Variants in NGEF observed in about 807,000 individuals in gnomAD.
NGEF encodes ephexin-1.
Under a neutral mutation model 80.9 loss-of-function variants are expected in NGEF, and 31 were observed. The observed-to-expected ratio is 0.38, with a 90% CI of 0.29 to 0.52. The LOEUF is 0.52. Ranked by LOEUF, NGEF falls within the 20% of genes least tolerant of loss-of-function variation. The pLI is 0.84. For missense variants in NGEF, 709 were observed against 926.2 expected, an observed-to-expected ratio of 0.77 and a Z score of 3.04; for synonymous variants, 371 against 370.2, an observed-to-expected ratio of 1.00 and a Z score of -0.03.
intron 1 of NGEF, among the ~76,000 whole-genome samples, chr2:233,004,571 C>T (rs753642739): frequency 6.6e-6 from 1 of 152,242 alleles, no homozygotes; most frequent in Non-Finnish European, 1.5e-5. Flanking sequence ...GAGGTAACTG[C>T]TGGGAACCCC....
intron 2 of NGEF, among the ~76,000 whole-genome samples, chr2:232,972,423 C>T (rs1201549999): frequency 6.6e-6 from 1 of 152,062 alleles, no homozygotes; most frequent in East Asian, 1.9e-4. Flanking sequence ...TTAAATGTGG[C>T]CACTGGAAAA....
In NGEF at chr2:232,920,283, C is replaced by T; in HGVS notation, c.828+1G>A. 6.2e-7 allele frequency: 1 copy of T among 1,611,440 alleles called. No individual in the cohort carries two copies. The highest frequency in any genetic ancestry group is 8.5e-7 in the Non-Finnish European group (1 of 1,178,636). On this transcript the variant is annotated splice_donor_variant, in intron 5 of 14. Transcript: ENST00000264051. LOFTEE classifies it high-confidence loss of function. ...AGCCCCCGCCCCTCGGCGCCTGTTA[C>T]CTCCTGCAGCTTAATCTCCTCGGGC...
At chr2:232,952,666 C>T (rs1054046382) in intron 3 of NGEF, among the ~76,000 whole-genome samples, 2 of 152,068 alleles carry the variant, frequency 1.3e-5, no homozygotes, top group Admixed American at 6.6e-5. Context: ...GAATAATCTA[C>T]CTTTGAAAAG....
intron 3 of NGEF, among the ~76,000 whole-genome samples, chr2:232,930,902 C>T (rs76147538): frequency 6.6e-6 from 1 of 152,342 alleles, no homozygotes; most frequent in East Asian, 1.9e-4. Context: ...AGCATCAACT[C>T]TAAAGTCTGA....
At chr2:233,007,025 C>T (rs1695098318) in intron 1 of NGEF, among the ~76,000 whole-genome samples, 1 of 152,202 alleles carries the variant, frequency 6.6e-6, no homozygotes, top group Non-Finnish European at 1.5e-5. Context: ...GGGCTGATCA[C>T]TTGAGTCCAG....
intron 5 of NGEF, among the ~76,000 whole-genome samples, chr2:232,906,106 C>G (rs1692518406): frequency 9.6e-6 from 1 of 104,096 alleles, no homozygotes; most frequent in African/African-American, 3.4e-5. Context: ...GCCGTCCCGT[C>G]TGGGAGGGAG....
In NGEF at chr2:232,888,075, C is replaced by T; in HGVS notation, c.1305G>A (p.Glu435=). 6.2e-7 allele frequency: 1 copy of T among 1,612,762 alleles called. No homozygotes were observed. Among genetic ancestry groups the T allele is most frequent in the Non-Finnish European group, 8.5e-7 (1 of 1,179,604 alleles). Residue 435 remains glutamate (E), a synonymous_variant, in exon 9 of 15, where the codon GAG becomes GAA. Coordinates refer to ENST00000264051, the MANE Select transcript of NGEF (RefSeq NM_019850.3). ...NILKRVEERS[E]RECTALDAHK... is the part of the protein sequence containing the mutation. The stretch of plus-strand genomic sequence containing the variant: ...GAGCATCCAAAGCAGTGCACTCCCG[C>T]TCAGACCTCTCTTCTACCCTCTTCA...
intron 1 of NGEF, among the ~76,000 whole-genome samples, chr2:233,002,475 C>T (rs1263105978): frequency 1.3e-5 from 2 of 151,866 alleles, no homozygotes; most frequent in African/African-American, 2.4e-5. Context: ...GCCAGGAGTT[C>T]GAGACCAGCC....
chr2:232,918,455 G>T (rs1295176278), intron 5 of NGEF, among the ~76,000 whole-genome samples: 1 of 151,908 alleles, frequency 6.6e-6, no homozygotes, highest in Non-Finnish European at 1.5e-5. Flanking sequence ...TTGCATTATT[G>T]TAACGGATTT....
At chr2:232,967,633 G>A (rs957336810) in intron 3 of NGEF, among the ~76,000 whole-genome samples, 1 of 151,910 alleles carries the variant, frequency 6.6e-6, no homozygotes, top group South Asian at 2.1e-4. Flanking sequence ...ACCCAGCCTC[G>A]GGTATTTTTT....
At chr2:232,909,999 T>C (rs951998283) in intron 5 of NGEF, among the ~76,000 whole-genome samples, 4 of 152,252 alleles carry the variant, frequency 2.6e-5, no homozygotes, top group African/African-American at 9.6e-5. Context: ...TGGTTTATTT[T>C]CTATTATCTG....
intron 1 of NGEF, among the ~76,000 whole-genome samples, chr2:233,010,236 C>T (rs1051828339): frequency 6.6e-6 from 1 of 151,996 alleles, no homozygotes; most frequent in South Asian, 2.1e-4. Context: ...TCTCTGCCTC[C>T]ACTGGCCCAA....
chr2:232,885,203 C>T lies in NGEF; in HGVS notation c.1437+77G>A, dbSNP rs368210261. On this transcript the variant is annotated intron_variant, in intron 10 of 14. Transcript: ENST00000264051. ...AAGGACCTAAGCAAGGCCAGCCAGG[C>T]GCGGTGATCTGTGCCTCTGGGGCGG... 2,006 of 1,339,700 alleles carry T rather than the reference C, an allele frequency of 1.5e-3. 1 individual carries two copies. The highest frequency in any genetic ancestry group is 5.3e-3 in the Middle Eastern group (29 of 5,430). The allele number at this position is 1,339,700 out of a possible 1,614,324, so 83.0% of individuals were successfully genotyped here. A position where few individuals can be genotyped will look rare whatever the true frequency, so the allele number is the denominator to read the frequency against.
At chr2:233,012,752 C>A in intron 1 of NGEF, 1 of 450,132 alleles carries the variant, frequency 2.2e-6, no homozygotes, top group South Asian at 1.6e-5. Flanking sequence ...TTATATTGCA[C>A]AGGGCCCTGC....
chr2:232,901,842 C>T (rs956731519), intron 5 of NGEF, among the ~76,000 whole-genome samples: 1 of 152,224 alleles, frequency 6.6e-6, no homozygotes, highest in Non-Finnish European at 1.5e-5. Flanking sequence ...CCCTTAGAGG[C>T]TGTGGGGACG....
intron 3 of NGEF, among the ~76,000 whole-genome samples, chr2:232,962,548 C>G (rs1450553395): frequency 6.6e-6 from 1 of 151,698 alleles, no homozygotes; most frequent in African/African-American, 2.4e-5. Flanking sequence ...GACTCCATCT[C>G]AAAAAGAGCT....
intron 4 of NGEF, among the ~76,000 whole-genome samples, chr2:232,924,576 C>T (rs1000358287): frequency 1.3e-5 from 2 of 152,142 alleles, no homozygotes; most frequent in African/African-American, 4.8e-5. Context: ...GACAAACTGC[C>T]CTTCCTGTTT....
rs1442260091 is a variant in NGEF, at chr2:233,010,007, C to G, written c.-75+3061G>C. Among the ~76,000 whole-genome samples, 3 of 152,214 alleles carry G rather than the reference C, an allele frequency of 2.0e-5. No individual in the cohort carries two copies. The East Asian group carries it at 5.8e-4, about 29-fold the overall frequency. ...CTGCCTCCTGGGTTCAAGCCATTCTCCTGCCTCAGCCTCCTGAGTAGCTGC... is the reference window on the plus strand; with the variant it reads ...CTGCCTCCTGGGTTCAAGCCATTCTGCTGCCTCAGCCTCCTGAGTAGCTGC... On this transcript the variant is annotated intron_variant, in intron 1 of 14. Coordinates refer to ENST00000264051, the MANE Select transcript of NGEF (RefSeq NM_019850.3).
intron 3 of NGEF, among the ~76,000 whole-genome samples, chr2:232,959,206 G>A (rs533779652): frequency 2.6e-5 from 4 of 151,902 alleles, no homozygotes; most frequent in Non-Finnish European, 5.9e-5. Flanking sequence ...TGAGAAATTG[G>A]GGCATTTATC....
Sources: gnomAD v4.1 joint callset for allele counts (sites outside exome capture counted in the v4.1 genomes callset) on GRCh38, gnomAD v4.1.1 for gene constraint, MANE v1.5 for transcripts, NCBI Gene and HGNC (gene_info 2026-07-23, HGNC 2026-07-21) for gene names.